Variants in WNT9B observed in about 807,000 individuals in gnomAD.
WNT9B encodes the protein protein Wnt-9b.
Under a neutral mutation model 30.2 loss-of-function variants are expected in WNT9B, and 12 were observed. That is an observed-to-expected ratio of 0.40 (90% CI 0.26 to 0.64). WNT9B has a LOEUF of 0.64. WNT9B is among the 30% of genes least tolerant of loss of function. The pLI, the probability that WNT9B is intolerant of heterozygous loss-of-function variation, is 0.42. For missense variants in WNT9B, 442 were observed against 485.2 expected, an observed-to-expected ratio of 0.91 and a Z score of 0.84; for synonymous variants, 218 against 216.9, an observed-to-expected ratio of 1.01 and a Z score of -0.05.
intron 1 of WNT9B, among the ~76,000 whole-genome samples, chr17:46,840,007 CTTTCT>C (rs2084690651): frequency 4.0e-5 from 2 of 50,276 alleles, no homozygotes; most frequent in South Asian, 1.0e-3. Context: ...TTTCTTCTTT[CTTTCT>C]TTCTTTCTTT....
chr17:46,881,163 T>C (rs2085417220), downstream of WNT9B, among the ~76,000 whole-genome samples: 1 of 152,214 alleles, frequency 6.6e-6, no homozygotes. Context: ...GTCTCCTGGC[T>C]CAGGCCTGCC....
chr17:46,882,669 C>T (rs1005855110), downstream of WNT9B, among the ~76,000 whole-genome samples: 7 of 152,086 alleles, frequency 4.6e-5, no homozygotes, highest in African/African-American at 1.4e-4. Context: ...CATTTCTTTC[C>T]GATTCTTGAC....
At chr17:46,839,940 CTTT>C (rs768155110) in intron 1 of WNT9B, among the ~76,000 whole-genome samples, 2 of 148,120 alleles carry the variant, frequency 1.4e-5, no homozygotes, top group Non-Finnish European at 3.0e-5. Context: ...TTCTTTCTTT[CTTT>C]CTTTCTTTCT....
chr17:46,863,651 G>A (rs2085080946), intron 1 of WNT9B, among the ~76,000 whole-genome samples: 1 of 152,170 alleles, frequency 6.6e-6, no homozygotes, highest in Non-Finnish European at 1.5e-5. Flanking sequence ...AAAAGGACAT[G>A]GCTATAAAAG....
chr17:46,834,515 T>C (rs1373696453), intron 1 of WNT9B, among the ~76,000 whole-genome samples: 1 of 152,104 alleles, frequency 6.6e-6, no homozygotes, highest in Non-Finnish European at 1.5e-5. Context: ...GCTCCTTGAG[T>C]GGAAAGCTCC....
upstream of WNT9B, among the ~76,000 whole-genome samples, chr17:46,848,607 A>G (rs934922477): frequency 1.3e-5 from 2 of 152,352 alleles, no homozygotes; most frequent in East Asian, 3.9e-4. Context: ...TCCAGGCTAT[A>G]AGCCCCTTGG....
At chr17:46,847,017 T>C (rs1183820314), upstream of WNT9B, among the ~76,000 whole-genome samples, 1 of 152,264 alleles carries the variant, frequency 6.6e-6, no homozygotes, top group Non-Finnish European at 1.5e-5. Flanking sequence ...GATGTATTGT[T>C]ATGTATTTTT....
rs570879456 is a variant in WNT9B, at chr17:46,844,924, T to C, written c.95+11484T>C. ...GTGCAATGGTGGGATCTCTGCTCAC[T>C]GCAACCTCCGCCTCCCAGCTGCAAG... On this transcript the variant is annotated intron_variant, in intron 1 of 2. Transcript: ENST00000575372. 2.0e-5 allele frequency among the ~76,000 whole-genome samples: 3 copies of C among 152,242 alleles called. No individual in the cohort carries two copies. The East Asian group carries it at 5.8e-4, about 29-fold the overall frequency.
At chr17:46,874,896 G>T in intron 2 of WNT9B, 1 of 770,648 alleles carries the variant, frequency 1.3e-6, no homozygotes, top group Non-Finnish European at 2.2e-6. Flanking sequence ...CCATTTAAAT[G>T]GCAACTTGCA....
intron 1 of WNT9B, among the ~76,000 whole-genome samples, chr17:46,858,865 C>T (rs902788150): frequency 6.6e-6 from 1 of 151,792 alleles, no homozygotes; most frequent in Non-Finnish European, 1.5e-5. Flanking sequence ...TGGGGTTTTG[C>T]TATGTTGCTC....
intron 1 of WNT9B, among the ~76,000 whole-genome samples, chr17:46,835,557 G>T (rs1003516038): frequency 1.3e-5 from 2 of 152,096 alleles, no homozygotes; most frequent in Admixed American, 6.5e-5. Flanking sequence ...AATCTCTTAG[G>T]TCCACCCTCA....
chr17:46,862,579 G>GTTTGT (rs2085059187), intron 1 of WNT9B, among the ~76,000 whole-genome samples: 1 of 152,034 alleles, frequency 6.6e-6, no homozygotes, highest in Non-Finnish European at 1.5e-5. Context: ...AGTTTTTTTT[G>GTTTGT]TTTGTTTTGT....
upstream of WNT9B, among the ~76,000 whole-genome samples, chr17:46,850,944 C>G (rs1218648071): frequency 1.3e-5 from 2 of 152,220 alleles, no homozygotes; most frequent in African/African-American, 2.4e-5. Context: ...CTGCGCGCCT[C>G]GCCGGTAACA....
At chr17:46,884,041 G>C (rs922521360), downstream of WNT9B, among the ~76,000 whole-genome samples, 5 of 152,140 alleles carry the variant, frequency 3.3e-5, no homozygotes, top group Admixed American at 3.3e-4. Context: ...GAGTGGTGGA[G>C]GCCGGGCAGA....
intron 1 of WNT9B, among the ~76,000 whole-genome samples, chr17:46,866,847 A>C (rs914920335): frequency 3.3e-5 from 5 of 152,264 alleles, no homozygotes; most frequent in Middle Eastern, 6.8e-3. Context: ...TCTCAAGCAG[A>C]AACTAGGATG....
intron 1 of WNT9B, among the ~76,000 whole-genome samples, chr17:46,860,908 G>C (rs1411063770): frequency 6.6e-6 from 1 of 152,114 alleles, no homozygotes; most frequent in Non-Finnish European, 1.5e-5. Flanking sequence ...ACCCAGACTA[G>C]AGTGCAATGG....
At chr17:46,856,016 T>C (rs1458084781) in intron 1 of WNT9B, among the ~76,000 whole-genome samples, 1 of 152,100 alleles carries the variant, frequency 6.6e-6, no homozygotes, top group Non-Finnish European at 1.5e-5. Context: ...GTTATCCGAG[T>C]GGCTTTGTAA....
At chr17:46,839,993 T>C (rs8076169) in intron 1 of WNT9B, among the ~76,000 whole-genome samples, 201 of 92,718 alleles carry the variant, frequency 2.2e-3, no homozygotes, top group African/African-American at 2.8e-3. Context: ...TTCTTTCTTT[T>C]TTCTTTCTTC....
chr17:46,871,245 T>C (rs769790736), intron 1 of WNT9B, among the ~76,000 whole-genome samples: 38 of 152,090 alleles, frequency 2.5e-4, no homozygotes, highest in Admixed American at 9.2e-4. Context: ...GGCCAGGATA[T>C]CCCAGAACAG....
Sources: allele counts gnomAD v4.1 joint callset (sites outside exome capture counted in the v4.1 genomes callset), GRCh38; gene constraint gnomAD v4.1.1; transcripts MANE v1.5; gene names NCBI Gene and HGNC (gene_info 2026-07-23, HGNC 2026-07-21).